The following PRSS36 variants were observed in gnomAD, a reference collection of about 807,000 sequenced individuals.
PRSS36 encodes serine protease 36.
Under a neutral mutation model 94.3 loss-of-function variants are expected in PRSS36, and 90 were observed. The observed-to-expected ratio is 0.95, with a 90% CI of 0.80 to 1.14. PRSS36 has a LOEUF of 1.14. Ranked by LOEUF, PRSS36 falls within the 50% of genes most tolerant of loss-of-function variation. PRSS36 has a pLI of 0.00. For synonymous variants in PRSS36, 500 were observed against 489.6 expected, an observed-to-expected ratio of 1.02 and a Z score of -0.28; for missense variants, 1,158 against 1,135.0, an observed-to-expected ratio of 1.02 and a Z score of -0.29.
At chr16:31,149,344 T>C in intron 3 of PRSS36, 109 bp from the exon 4 acceptor site, 2 of 1,532,676 alleles carry the variant, frequency 1.3e-6, no homozygotes, top group Non-Finnish European at 1.8e-6. Context: ...TTTGCCCCTC[T>C]GAACAAAGAA....
In PRSS36 at chr16:31,148,488, C is replaced by A; in HGVS notation, c.460G>T (p.Ala154Ser). The change falls in exon 5 of 15, where the codon GCC becomes TCC. Residue 154 changes from alanine to serine, a missense_variant. Ala to Ser is a moderately conservative substitution (Grantham distance 99). Coordinates refer to ENST00000268281, the MANE Select transcript of PRSS36 (RefSeq NM_173502.5). ...CGGGGCAGGCAGACAGGCCACACGGCGGGGCCCAGGCTGGCGGGTGAGGCC... is the reference window on the plus strand; with the variant it reads ...CGGGGCAGGCAGACAGGCCACACGGAGGGGCCCAGGCTGGCGGGTGAGGCC... ...RLASPASLGPAVWPVCLPRAS... is the reference protein window; with the variant it reads ...RLASPASLGPSVWPVCLPRAS... The A allele has an allele frequency of 6.3e-7, 1 of 1,577,194 alleles. No individual in the cohort carries two copies. The highest frequency in any genetic ancestry group is 8.6e-7 in the Non-Finnish European group (1 of 1,167,206).
At chr16:31,144,154 T>C (rs1291522112) in intron 6 of PRSS36, among the ~76,000 whole-genome samples, 2 of 152,058 alleles carry the variant, frequency 1.3e-5, no homozygotes, top group African/African-American at 4.8e-5. Context: ...TCCTTCCTTC[T>C]TTCCTTCCCT....
At chr16:31,148,741 GC>G in intron 4 of PRSS36, 66 bp from the exon 5 acceptor site, 1 of 1,587,934 alleles carries the variant, frequency 6.3e-7, no homozygotes, top group Non-Finnish European at 8.6e-7. Context: ...CTCGTTGGGG[GC>G]AGGGGCTCAG....
intron 1 of PRSS36, 52 bp downstream of exon 1, chr16:31,149,947 C>G: frequency 6.2e-7 from 1 of 1,603,080 alleles, no homozygotes; most frequent in African/African-American, 1.3e-5. Flanking sequence ...CTCCAGCCCC[C>G]CAGATGCCAG....
Position 31,139,021 on chromosome 16 carries a change from G to C in PRSS36, c.*117C>G. On this transcript the variant is annotated 3_prime_UTR_variant, in exon 15 of 15. Transcript: ENST00000268281. ...CACTGAGGCCCAATTAGCCAGAGCC[G>C]CTGCAATCTCGGTGGGTGGGGCCCT... is the stretch of plus-strand genomic sequence containing the variant. 8.1e-7 allele frequency: 1 copy of C among 1,236,546 alleles called. No individual in the cohort carries two copies. The highest frequency in any genetic ancestry group is 1.1e-6 in the Non-Finnish European group (1 of 890,394). The allele number at this position is 1,236,546 out of a possible 1,614,324, so 76.6% of individuals were successfully genotyped here.
At position 31,140,727 on chromosome 16, in the gene PRSS36, T is replaced by C. The variant is rs1208223192; in HGVS notation, c.1932A>G (p.Glu644=). The change falls in exon 13 of 15, where the codon GAA becomes GAG. Residue 644 remains glutamate, a synonymous_variant. Transcript: ENST00000268281. The part of the protein sequence containing the change: ...RPGSTTVPYI[E]VYLGRAGASS... ...TGGCCCCTGCCCGGCCCAGATACAC[T>C]TCAATGTAAGGCACTGTTGTAGAGC... 1.2e-6 allele frequency: 2 copies of C among 1,614,050 alleles called. No individual in the cohort carries two copies. The highest frequency in any genetic ancestry group is 4.5e-5 in the East Asian group (2 of 44,878).
chr16:31,145,592 T>C (rs1254384474), intron 6 of PRSS36, among the ~76,000 whole-genome samples, 197 bp downstream of exon 6: 3 of 152,078 alleles, frequency 2.0e-5, no homozygotes, highest in Admixed American at 6.6e-5. Context: ...TAAGCCGAGA[T>C]TGCGCCACTG....
chr16:31,139,071 A>G lies in PRSS36; in HGVS notation c.*67T>C. On this transcript the variant is annotated 3_prime_UTR_variant, in exon 15 of 15. Transcript: ENST00000268281. ...TTGAGGTTCCAGCCGGCTGGGCCAC[A>G]TTCCAGCCCCACTGGGCGGGAAGTA... is the stretch of plus-strand genomic sequence containing the variant. The G allele has an allele frequency of 2.7e-6, 4 of 1,484,060 alleles. No homozygotes were observed. Among genetic ancestry groups the G allele is most frequent in the Non-Finnish European group, 1.8e-6 (2 of 1,108,970 alleles). The allele number at this position is 1,484,060 out of a possible 1,614,324, so 91.9% of individuals were successfully genotyped here.
intron 8 of PRSS36, among the ~76,000 whole-genome samples, 154 bp downstream of exon 8, chr16:31,143,188 C>T (rs930215433): frequency 6.6e-6 from 1 of 152,076 alleles, no homozygotes. Context: ...CCACCCCTGC[C>T]AGGCCAGGAC....
chr16:31,142,660 C>G lies in PRSS36; in HGVS notation c.1358-16G>C. 7.0e-7 allele frequency: 1 copy of G among 1,425,712 alleles called. No individual in the cohort carries two copies. Among genetic ancestry groups the G allele is most frequent in the Non-Finnish European group, 9.2e-7 (1 of 1,089,988 alleles). 88.3% of individuals were successfully genotyped at this position (1,425,712 alleles called of 1,614,324 possible). The stretch of plus-strand genomic sequence containing the variant: ...AGCGCGGGTTCTGGAAGGGAAAAGG[C>G]AGGGAGCCCGCGCTGCGGCCCAGAC... On this transcript the variant is annotated splice_polypyrimidine_tract_variant and intron_variant, in intron 9 of 14. Transcript: ENST00000268281.
intron 12 of PRSS36, 84 bp from the exon 13 acceptor site, chr16:31,140,841 T>A: frequency 1.4e-6 from 2 of 1,464,548 alleles, no homozygotes; most frequent in Non-Finnish European, 1.9e-6. Flanking sequence ...GATGACTCTC[T>A]GGGGTCATGC....
intron 1 of PRSS36, 88 bp downstream of exon 1, chr16:31,149,911 C>T: frequency 6.4e-7 from 1 of 1,555,232 alleles, no homozygotes; most frequent in East Asian, 2.2e-5. Flanking sequence ...CTTCCTGCTC[C>T]CCACACAGAA....
intron 5 of PRSS36, among the ~76,000 whole-genome samples, chr16:31,146,306 C>T (rs982392442): frequency 6.6e-6 from 1 of 152,204 alleles, no homozygotes; most frequent in Non-Finnish European, 1.5e-5. Flanking sequence ...ACGGACTTGA[C>T]ATGGTCCTGT....
In PRSS36 at chr16:31,143,573, GT is replaced by G; in HGVS notation, c.970+14del. The G allele has an allele frequency of 6.2e-7, 1 of 1,613,818 alleles. No homozygotes were observed. The highest frequency in any genetic ancestry group is 1.3e-5 in the African/African-American group (1 of 75,042). Reference sequence around the variant, plus strand: ...TCCCATGTCCCGCTTACATCCAGGGGTGCCGCCCACTCACCAGGCAGGGCAA... The same window carrying G: ...TCCCATGTCCCGCTTACATCCAGGGGGCCGCCCACTCACCAGGCAGGGCAA... On this transcript the variant is annotated intron_variant, in intron 7 of 14. Coordinates refer to ENST00000268281, the MANE Select transcript of PRSS36 (RefSeq NM_173502.5).
intron 10 of PRSS36, 120 bp downstream of exon 10, chr16:31,142,361 C>T: frequency 8.4e-7 from 1 of 1,189,328 alleles, no homozygotes; most frequent in Non-Finnish European, 1.1e-6. Flanking sequence ...CACTCGGACC[C>T]GCCTTCCGCA....
rs2057867700 is a variant in PRSS36, at chr16:31,149,720, T to C, written c.49A>G (p.Ile17Val). ...LPLVMLVISP[I>V]PGAFQDSALS... is the part of the protein sequence containing the mutation. ...CCTGAGTCCTGGAAGGCTCCTGGGA[T>C]GGGACTGATGACTGGAAAGACAGAG... Residue 17 changes from isoleucine to valine, a missense_variant, in exon 2 of 15, where the codon ATC becomes GTC. Coordinates refer to ENST00000268281, the MANE Select transcript of PRSS36 (RefSeq NM_173502.5). 1 of 1,614,182 alleles carries C rather than the reference T, an allele frequency of 6.2e-7. No homozygotes were observed. Among genetic ancestry groups the C allele is most frequent in the Admixed American group, 1.7e-5 (1 of 60,014 alleles).
In PRSS36 at chr16:31,145,946, G is replaced by A. The variant is rs755963693; in HGVS notation, c.563C>T (p.Pro188Leu). The change falls in exon 6 of 15, where the codon CCT (proline) becomes CTT (leucine). Residue 188 changes from proline to leucine, a missense_variant. By Grantham distance (98) the Pro-to-Leu change is moderately conservative. Coordinates refer to ENST00000268281, the MANE Select transcript of PRSS36 (RefSeq NM_173502.5). ...WGDVQEADPL[P>L]LPWVLQEVEL... is the part of the protein sequence containing the mutation. ...CACTTCCTGTAGCACCCAGGGGAGA[G>A]GCAGAGGATCTGGAGGCAGAACCAG... is the stretch of plus-strand genomic sequence containing the variant. The A allele has an allele frequency of 1.2e-6, 2 of 1,611,978 alleles. No individual in the cohort carries two copies. The highest frequency in any genetic ancestry group is 1.7e-6 in the Non-Finnish European group (2 of 1,179,008).
Position 31,140,367 on chromosome 16 carries a change from C to A in PRSS36, c.2216G>T (p.Cys739Phe). ...AGGGGGCAGGATGCCCTGATAGAGG[C>A]AGTCACAGATTCGTTGTGTCAAGAT... ...VSILTQRICD[C>F]LYQGILPPGT... The change falls in exon 14 of 15, where the codon TGC becomes TTC. Residue 739 changes from cysteine to phenylalanine, a missense_variant. Physicochemically the swap from Cys to Phe is radical, Grantham distance 205 (BLOSUM62 -2). Coordinates refer to ENST00000268281, the MANE Select transcript of PRSS36 (RefSeq NM_173502.5). 6.2e-7 allele frequency: 1 copy of A among 1,614,070 alleles called. No individual in the cohort carries two copies. The highest frequency in any genetic ancestry group is 8.5e-7 in the Non-Finnish European group (1 of 1,179,996).
chr16:31,142,609 C>T lies in PRSS36; in HGVS notation c.1393G>A (p.Glu465Lys), dbSNP rs1225849590. ...TGGCACCACCAGCCGCCTAACAGCT[C>T]CGCCTCCAGCAGCGCGCCTGGGCCA... ...ALGPGALLEAELLGGWWCHCL... is the reference protein window; with the variant it reads ...ALGPGALLEAKLLGGWWCHCL... Residue 465 changes from glutamate to lysine, a missense_variant, in exon 10 of 15, where the codon GAG (glutamate) becomes AAG (lysine). Coordinates refer to ENST00000268281, the MANE Select transcript of PRSS36 (RefSeq NM_173502.5). 2.0e-6 allele frequency: 3 copies of T among 1,508,556 alleles called. No individual in the cohort carries two copies. The highest frequency in any genetic ancestry group is 2.6e-6 in the Non-Finnish European group (3 of 1,132,954). 93.4% of individuals were successfully genotyped at this position (1,508,556 alleles called of 1,614,324 possible).
Sources: allele counts gnomAD v4.1 joint callset (sites outside exome capture counted in the v4.1 genomes callset), GRCh38; gene constraint gnomAD v4.1.1; transcripts MANE v1.5; gene names NCBI Gene and HGNC (gene_info 2026-07-23, HGNC 2026-07-21).